The following INPP4A variants were observed in gnomAD, a reference collection of about 807,000 sequenced individuals.
INPP4A encodes the protein inositol polyphosphate-4-phosphatase, type I, 107kD.
In INPP4A, 33 loss-of-function variants were observed where a neutral mutation model predicts 119.8. That is an observed-to-expected ratio of 0.28 (90% CI 0.21 to 0.37). The LOEUF (loss-of-function observed/expected upper bound fraction) is 0.37, where lower values mean the gene tolerates loss of function less well. Among genes scored for constraint, INPP4A ranks in the 10% least tolerant of loss-of-function variants. The pLI is 1.00. For missense variants in INPP4A, 956 were observed against 1,289.9 expected (o/e 0.74, Z 3.97); for synonymous variants, 496 against 500.7 (o/e 0.99, Z 0.12).
At chr2:98,452,269 G>T (rs1359744685) in intron 1 of INPP4A, among the ~76,000 whole-genome samples, 1 of 152,158 alleles carries the variant, frequency 6.6e-6, no homozygotes, top group Non-Finnish European at 1.5e-5. Flanking sequence ...GTTGGCTTAG[G>T]CTGGTGGTCC....
At chr2:98,486,277 CTG>C (rs1213145153) in intron 1 of INPP4A, among the ~76,000 whole-genome samples, 1 of 152,158 alleles carries the variant, frequency 6.6e-6, no homozygotes, top group African/African-American at 2.4e-5. Flanking sequence ...GCTGGTGATG[CTG>C]TGTGAAGCAG....
intron 7 of INPP4A, among the ~76,000 whole-genome samples, chr2:98,537,381 A>G (rs1290715496): frequency 6.6e-6 from 1 of 152,240 alleles, no homozygotes; most frequent in Non-Finnish European, 1.5e-5. Flanking sequence ...CAAGGGCTTC[A>G]GGAAGCCCTG....
chr2:98,474,216 C>T (rs1676739362), intron 1 of INPP4A, among the ~76,000 whole-genome samples: 1 of 152,222 alleles, frequency 6.6e-6, no homozygotes, highest in Admixed American at 6.5e-5. Context: ...ATCACTTTGA[C>T]AGCCTCAAGA....
At position 98,506,008 on chromosome 2, in the gene INPP4A, AAATC is replaced by A. The variant is rs373432821; in HGVS notation, c.-165-12953_-165-12950del. On this transcript the variant is annotated intron_variant, in intron 1 of 24. Transcript: ENST00000409851. ...AATTTCAGCTTAATTTAAGAAAAGAAAATCAAACATGAATGATACAAAAAAGAAT... is the reference window on the plus strand; with the variant it reads ...AATTTCAGCTTAATTTAAGAAAAGAAAAACATGAATGATACAAAAAAGAAT... 8.5e-3 allele frequency among the ~76,000 whole-genome samples: 1,292 copies of A among 152,344 alleles called. 23 individuals carry two copies. Among genetic ancestry groups the A allele is most frequent in the African/African-American group, 0.03 (1,228 of 41,572 alleles).
rs374377384 is a variant in INPP4A at position 98,520,092 on chromosome 2, G to A, written c.44G>A (p.Arg15His). The part of the protein sequence containing the change: ...EHSPRHGARA[R>H]AMQRASTIDV... ...AGCCCTCGCCATGGTGCCAGGGCCC[G>A]TGCAATGCAGCGGGCTTCCACCATC... The change falls in exon 3 of 25, where the codon CGT becomes CAT. Residue 15 changes from arginine (R) to histidine (H), a missense_variant. Physicochemically the swap from Arg to His is conservative, Grantham distance 29. Around this residue, in one of 2 missense-constraint regions of INPP4A, gnomAD observed 652 missense variants for 797.9 expected, o/e 0.82. Transcript: ENST00000409851. The A allele has an allele frequency of 5.7e-5, 90 of 1,580,472 alleles. No homozygotes were observed. Among genetic ancestry groups the A allele is most frequent in the East Asian group, 1.2e-4 (5 of 43,206 alleles).
intron 16 of INPP4A, among the ~76,000 whole-genome samples, chr2:98,556,734 G>C (rs1694562388): frequency 6.6e-6 from 1 of 152,180 alleles, no homozygotes; most frequent in Non-Finnish European, 1.5e-5. Context: ...CGTGCCTCTT[G>C]GTCAGAGCCT....
At chr2:98,459,947 A>G (rs1696844916) in intron 1 of INPP4A, among the ~76,000 whole-genome samples, 3 of 152,218 alleles carry the variant, frequency 2.0e-5, no homozygotes, top group Admixed American at 6.5e-5. Flanking sequence ...GGGAGAAACC[A>G]GAACTGTCAG....
At chr2:98,567,332 G>C (rs1254667703) in intron 21 of INPP4A, among the ~76,000 whole-genome samples, 1 of 152,172 alleles carries the variant, frequency 6.6e-6, no homozygotes, top group Non-Finnish European at 1.5e-5. Context: ...GAGTACACCA[G>C]ACAGACCCAC....
intron 1 of INPP4A, among the ~76,000 whole-genome samples, chr2:98,470,944 GC>G (rs1375769204): frequency 6.6e-6 from 1 of 152,180 alleles, no homozygotes; most frequent in African/African-American, 2.4e-5. Context: ...GGGATTACAT[GC>G]GTGAGCCACC....
chr2:98,501,240 A>G (rs1683058704), intron 1 of INPP4A, among the ~76,000 whole-genome samples: 2 of 152,188 alleles, frequency 1.3e-5, no homozygotes, highest in Admixed American at 1.3e-4. Flanking sequence ...TCGCTGAGGC[A>G]GGAGAATTGC....
intron 1 of INPP4A, among the ~76,000 whole-genome samples, chr2:98,454,265 A>C (rs1263551534): frequency 6.6e-6 from 1 of 152,212 alleles, no homozygotes; most frequent in East Asian, 1.9e-4. Context: ...TCTGTGCCTT[A>C]ACACTGTCAG....
At chr2:98,573,271 C>T (rs920724913) in intron 23 of INPP4A, among the ~76,000 whole-genome samples, 4 of 152,204 alleles carry the variant, frequency 2.6e-5, no homozygotes, top group Non-Finnish European at 5.9e-5. Context: ...GGCCATGTGA[C>T]CTTTCAGGTC....
At chr2:98,541,343 T>C (rs867558589) in intron 10 of INPP4A, among the ~76,000 whole-genome samples, 8 of 148,432 alleles carry the variant, frequency 5.4e-5, no homozygotes, top group Admixed American at 3.3e-4. Context: ...AAAAAAAAAA[T>C]GCAAGAAGAA....
chr2:98,576,410 G>A (rs1220688116), intron 23 of INPP4A, among the ~76,000 whole-genome samples: 1 of 152,208 alleles, frequency 6.6e-6, no homozygotes, highest in Non-Finnish European at 1.5e-5. Context: ...GGAAAGTATG[G>A]CGGGAGGAGG....
At chr2:98,459,842 C>G (rs1285927029) in intron 1 of INPP4A, among the ~76,000 whole-genome samples, 2 of 152,222 alleles carry the variant, frequency 1.3e-5, no homozygotes, top group African/African-American at 4.8e-5. Context: ...GGAAGACAGC[C>G]TGCTTCCCTG....
chr2:98,562,924 G>GAATA (rs984693239), intron 17 of INPP4A, among the ~76,000 whole-genome samples: 17 of 152,152 alleles, frequency 1.1e-4, no homozygotes, highest in African/African-American at 3.9e-4. Context: ...GAGCTGTGGG[G>GAATA]AATAGTCCTC....
chr2:98,533,577 C>T (rs1399267770), intron 5 of INPP4A, 82 bp downstream of exon 5: 6 of 826,394 alleles, frequency 7.3e-6, no homozygotes, highest in African/African-American at 1.7e-5. Context: ...GTTACTTGTG[C>T]ATCTGTAGCT....
intron 1 of INPP4A, among the ~76,000 whole-genome samples, chr2:98,512,686 C>A (rs1390812663): frequency 6.6e-6 from 1 of 152,230 alleles, no homozygotes; most frequent in Non-Finnish European, 1.5e-5. Context: ...TCCTAATCAC[C>A]TCTTAAGTGC....
intron 1 of INPP4A, among the ~76,000 whole-genome samples, chr2:98,496,281 A>G (rs989648761): frequency 2.0e-5 from 3 of 152,202 alleles, no homozygotes; most frequent in Non-Finnish European, 4.4e-5. Flanking sequence ...TTTTTGGCTT[A>G]TAGTCTCCAA....
Sources: gnomAD v4.1 joint callset for allele counts (sites outside exome capture counted in the v4.1 genomes callset) on GRCh38, gnomAD v4.1.1 for gene constraint, gnomAD v4.1.1 regional missense constraint, MANE v1.5 for transcripts, NCBI Gene and HGNC (gene_info 2026-07-23, HGNC 2026-07-21) for gene names.